SH2D2A: variants seen among roughly 807,000 people sequenced by gnomAD.
SH2D2A encodes SH2 domain containing 2A.
Under a neutral mutation model 43.6 loss-of-function variants are expected in SH2D2A, and 33 were observed. The ratio of observed to expected loss-of-function variants is 0.76; its 90% confidence interval spans 0.57 to 1.01. SH2D2A has a LOEUF of 1.01. Among genes scored for constraint, SH2D2A ranks in the 50% least tolerant of loss-of-function variants. SH2D2A has a pLI of 0.00. For missense variants in SH2D2A, 491 were observed against 503.1 expected (o/e 0.98, Z 0.23); for synonymous variants, 212 against 206.1 (o/e 1.03, Z -0.25).
intron 2 of SH2D2A, 92 bp downstream of exon 2, chr1:156,815,914 A>G (rs938603449): frequency 2.5e-5 from 40 of 1,611,254 alleles, no homozygotes; most frequent in Non-Finnish European, 3.0e-5. Context: ...CTTCTCTTGG[A>G]GTGGCCTTTG....
intron 5 of SH2D2A, among the ~76,000 whole-genome samples, chr1:156,812,139 T>C (rs1653463122): frequency 6.6e-6 from 1 of 151,980 alleles, no homozygotes; most frequent in African/African-American, 2.4e-5. Context: ...ACCCAGCAGC[T>C]CCACCTTCTG....
At position 156,816,093 on chromosome 1, in the gene SH2D2A, C is replaced by A; in HGVS notation, c.36G>T (p.Gly12=). ...EFPLAQICPQ[G]SHEAPIPTFS... ...AGGTTGGGATGGGGGCTTCGTGACT[C>A]CCTGTGAGCACAAAGAGGGCTGCCG... Residue 12 remains glycine, a splice_region_variant and synonymous_variant, in exon 2 of 9, where the codon GGG becomes GGT. Coordinates refer to ENST00000368199, the MANE Select transcript of SH2D2A (RefSeq NM_003975.4). 6.2e-7 allele frequency: 1 copy of A among 1,612,546 alleles called. No individual in the cohort carries two copies.
At position 156,816,061 on chromosome 1, in the gene SH2D2A, G is replaced by C; in HGVS notation, c.68C>G (p.Thr23Ser). 1 of 1,614,104 alleles carries C rather than the reference G, an allele frequency of 6.2e-7. No individual in the cohort carries two copies. The change falls in exon 2 of 9, where the codon ACC (threonine) becomes AGC (serine). Residue 23 changes from threonine to serine, a missense_variant. Physicochemically the swap from Thr to Ser is moderately conservative, Grantham distance 58. Transcript: ENST00000368199. ...GCGGGTCATGTCTGTGATCTGGAAG[G>C]TGCTGAAGGTTGGGATGGGGGCTTC... ...SHEAPIPTFS[T>S]FQITDMTRRS...
At chr1:156,816,147 C>A in intron 1 of SH2D2A, 53 bp from the exon 2 acceptor site, 1 of 1,555,658 alleles carries the variant, frequency 6.4e-7, no homozygotes, top group South Asian at 1.2e-5. Context: ...CTATGTCTGT[C>A]TCTGCCTCCC....
rs1264650298 is a variant in SH2D2A, at chr1:156,814,022, G to A, written c.399-6C>T. ...GGCGGCAGCAAGTCCGGCTCCTGGA[G>A]GGCGCCGTTAGGGATCAGACTATCT... is the stretch of plus-strand genomic sequence containing the variant. On this transcript the variant is annotated splice_region_variant and splice_polypyrimidine_tract_variant and intron_variant, in intron 4 of 8. Transcript: ENST00000368199. 1 of 1,502,840 alleles carries A rather than the reference G, an allele frequency of 6.7e-7. No individual in the cohort carries two copies. The highest frequency in any genetic ancestry group is 8.9e-7 in the Non-Finnish European group (1 of 1,124,904). The allele number at this position is 1,502,840 out of a possible 1,614,324, so 93.1% of individuals were successfully genotyped here. A position where few individuals can be genotyped will look rare whatever the true frequency, so the allele number is the denominator to read the frequency against.
Position 156,814,227 on chromosome 1 carries a change from C to T in SH2D2A, c.376G>A (p.Val126Met). 4 of 1,613,924 alleles carry T rather than the reference C, an allele frequency of 2.5e-6. No homozygotes were observed. Among genetic ancestry groups the T allele is most frequent in the Non-Finnish European group, 3.4e-6 (4 of 1,179,964 alleles). The change falls in exon 4 of 9, where the codon GTG becomes ATG. Residue 126 changes from valine (V) to methionine (M), a missense_variant. Coordinates refer to ENST00000368199, the MANE Select transcript of SH2D2A (RefSeq NM_003975.4). ...CACCTGTAAGTCAGCACGAAGGTCA[C>T]CGCGCTCTCGCTGAACCGCACCAAG... The part of the protein sequence containing the change: ...CYLVRFSESA[V>M]TFVLTYRSRT...
intron 5 of SH2D2A, among the ~76,000 whole-genome samples, chr1:156,810,745 A>G (rs1484537598): frequency 6.6e-6 from 1 of 152,046 alleles, no homozygotes; most frequent in Non-Finnish European, 1.5e-5. Flanking sequence ...TGGTCTCGAA[A>G]TCCTGATCTC....
chr1:156,815,277 C>T, intron 2 of SH2D2A, 56 bp from the exon 3 acceptor site: 2 of 1,337,778 alleles, frequency 1.5e-6, no homozygotes, highest in East Asian at 2.7e-5. Flanking sequence ...GGGCCTTCTC[C>T]TGACTTTGAT....
At position 156,807,113 on chromosome 1, in the gene SH2D2A, A is replaced by T; in HGVS notation, c.*3+62T>A. ...ATCCACATTTCTTGAGAAGTGTGCC[A>T]GGTGTGTGTGAAGGTCTCTGGACCT... On this transcript the variant is annotated intron_variant, in intron 8 of 8. Transcript: ENST00000368199. This position sits in a 1 kb window ranked among gnomAD's most constrained non-coding sequence, Gnocchi z 5.1. The T allele has an allele frequency of 7.2e-7, 1 of 1,397,374 alleles. No homozygotes were observed. Among genetic ancestry groups the T allele is most frequent in the Non-Finnish European group, 1.0e-6 (1 of 986,690 alleles). 86.6% of individuals were successfully genotyped at this position (1,397,374 alleles called of 1,614,324 possible).
chr1:156,816,084 T>C lies in SH2D2A; in HGVS notation c.45A>G (p.Glu15=). The C allele has an allele frequency of 6.2e-7, 1 of 1,613,456 alleles. No homozygotes were observed. Among genetic ancestry groups the C allele is most frequent in the Non-Finnish European group, 8.5e-7 (1 of 1,179,682 alleles). The change falls in exon 2 of 9, where the codon GAA becomes GAG. Residue 15 remains glutamate (E), a synonymous_variant. Transcript: ENST00000368199. Reference sequence around the variant, plus strand: ...AGGTGCTGAAGGTTGGGATGGGGGCTTCGTGACTCCCTGTGAGCACAAAGA... The same window carrying C: ...AGGTGCTGAAGGTTGGGATGGGGGCCTCGTGACTCCCTGTGAGCACAAAGA... ...LAQICPQGSH[E]APIPTFSTFQ...
rs1375699745 is a variant in SH2D2A, at chr1:156,815,162, C to T, written c.183G>A (p.Glu61=). The T allele has an allele frequency of 6.2e-7, 1 of 1,602,788 alleles. No homozygotes were observed. Among genetic ancestry groups the T allele is most frequent in the Non-Finnish European group, 8.5e-7 (1 of 1,174,762 alleles). The change falls in exon 3 of 9, where the codon GAG becomes GAA. Residue 61 remains glutamate, a synonymous_variant. Coordinates refer to ENST00000368199, the MANE Select transcript of SH2D2A (RefSeq NM_003975.4). The part of the protein sequence containing the change: ...SNTGNAERAE[E]VPGEGSLFLQ... ...GGAACAGGCTTCCTTCTCCAGGCACCTCCTCTGCCCTCTCAGCATTCCCTG... is the reference window on the plus strand; with the variant it reads ...GGAACAGGCTTCCTTCTCCAGGCACTTCCTCTGCCCTCTCAGCATTCCCTG...
chr1:156,809,594 C>A lies in SH2D2A; in HGVS notation c.714+67G>T. The stretch of plus-strand genomic sequence containing the variant: ...CCTCTGCCCCCGCTAGGCCCCTCCT[C>A]CTCCCCGCTGCCTGCACCCCCTCGC... On this transcript the variant is annotated intron_variant, in intron 6 of 8. Transcript: ENST00000368199. This position sits in a 1 kb window ranked among gnomAD's most constrained non-coding sequence, Gnocchi z 4.8. 6.4e-7 allele frequency: 1 copy of A among 1,562,858 alleles called. No homozygotes were observed. Among genetic ancestry groups the A allele is most frequent in the Non-Finnish European group, 8.7e-7 (1 of 1,155,412 alleles).
At chr1:156,813,758 GC>G in intron 5 of SH2D2A, 89 bp downstream of exon 5, 2 of 1,243,368 alleles carry the variant, frequency 1.6e-6, no homozygotes, top group Non-Finnish European at 2.1e-6. Flanking sequence ...ATGAGAAAGT[GC>G]CTGGTGCCGC....
intron 5 of SH2D2A, among the ~76,000 whole-genome samples, chr1:156,811,630 T>C (rs578143200): frequency 6.6e-6 from 1 of 152,314 alleles, no homozygotes; most frequent in South Asian, 2.1e-4. Context: ...GAAACTCTTC[T>C]TGTCTAGGTC....
intron 5 of SH2D2A, among the ~76,000 whole-genome samples, chr1:156,812,124 CA>C (rs907500644): frequency 2.0e-5 from 3 of 152,094 alleles, no homozygotes; most frequent in African/African-American, 4.8e-5. Context: ...TCCAATCCCA[CA>C]AAAACCCAGC....
In SH2D2A at chr1:156,816,780, A is replaced by T. The variant is rs1424017027; in HGVS notation, c.-72T>A. Reference sequence around the variant, plus strand: ...TCCGGAAAGGTGTGCACACTCAGCAACTCATCATCTCTCCTCTCACCCTGG... The same window carrying T: ...TCCGGAAAGGTGTGCACACTCAGCATCTCATCATCTCTCCTCTCACCCTGG... On this transcript the variant is annotated 5_prime_UTR_variant, in exon 1 of 9. In the 5' UTR this introduces an upstream ATG that the reference lacks. Transcript: ENST00000368199. 2 of 1,387,548 alleles carry T rather than the reference A, an allele frequency of 1.4e-6. No homozygotes were observed. The highest frequency in any genetic ancestry group is 1.5e-5 in the African/African-American group (1 of 67,416). The allele number at this position is 1,387,548 out of a possible 1,614,324, so 86.0% of individuals were successfully genotyped here. A position where few individuals can be genotyped will look rare whatever the true frequency, so the allele number is the denominator to read the frequency against.
chr1:156,806,340 A>G lies in SH2D2A; in HGVS notation c.*237T>C, dbSNP rs1652965216. On this transcript the variant is annotated 3_prime_UTR_variant, in exon 9 of 9. Coordinates refer to ENST00000368199, the MANE Select transcript of SH2D2A (RefSeq NM_003975.4). ...TTCTCACCAAACCATTCCTCAGACAACAGCAGCATTGGACCAGGGCCCAGA... is the reference window on the plus strand; with the variant it reads ...TTCTCACCAAACCATTCCTCAGACAGCAGCAGCATTGGACCAGGGCCCAGA... 1 of 152,320 alleles carries G rather than the reference A, an allele frequency of 6.6e-6. No individual in the cohort carries two copies. Among genetic ancestry groups the G allele is most frequent in the African/African-American group, 2.4e-5 (1 of 41,474 alleles). The allele number at this position is 152,320 out of a possible 1,614,324, so 9.4% of individuals were successfully genotyped here. A position where few individuals can be genotyped will look rare whatever the true frequency, so the allele number is the denominator to read the frequency against.
chr1:156,813,911 C>T lies in SH2D2A; in HGVS notation c.504G>A (p.Leu168=). ...GGCTGAGCGGGTGCGCGGTGTAGTGCAGCAGCAGGTCCTGCAGCCGCGCGT... is the reference window on the plus strand; with the variant it reads ...GGCTGAGCGGGTGCGCGGTGTAGTGTAGCAGCAGGTCCTGCAGCCGCGCGT... The part of the protein sequence containing the change: ...SAHARLQDLL[L]HYTAHPLSPY... Residue 168 remains leucine (L), a synonymous_variant, in exon 5 of 9, where the codon CTG becomes CTA. Transcript: ENST00000368199. 2 of 1,546,800 alleles carry T rather than the reference C, an allele frequency of 1.3e-6. No homozygotes were observed. The highest frequency in any genetic ancestry group is 1.9e-5 in the Admixed American group (1 of 52,100).
At chr1:156,808,912 T>C (rs1429152059) in intron 7 of SH2D2A, among the ~76,000 whole-genome samples, 1 of 152,068 alleles carries the variant, frequency 6.6e-6, no homozygotes, top group Non-Finnish European at 1.5e-5. Flanking sequence ...AAAGCCTCGA[T>C]GTGGGAGGTG....
Sources: gnomAD v4.1 joint callset for allele counts (sites outside exome capture counted in the v4.1 genomes callset) on GRCh38, gnomAD v4.1.1 for gene constraint, Gnocchi (gnomAD v3.1) non-coding constraint, MANE v1.5 for transcripts, NCBI Gene and HGNC (gene_info 2026-07-23, HGNC 2026-07-21) for gene names.